The following RAB3GAP1 variants were observed in gnomAD, a reference collection of about 807,000 sequenced individuals.
RAB3GAP1 encodes rab3 GTPase-activating protein catalytic subunit.
Under a neutral mutation model 130.7 loss-of-function variants are expected in RAB3GAP1, and 86 were observed. The ratio of observed to expected loss-of-function variants is 0.66; its 90% CI spans 0.55 to 0.79. RAB3GAP1 has a LOEUF of 0.79. Ranked by LOEUF, RAB3GAP1 falls within the 30% of genes least tolerant of loss-of-function variation. The pLI is 0.00. For synonymous variants in RAB3GAP1, 367 were observed against 401.7 expected (o/e 0.91, Z 1.03); for missense variants, 1,029 against 1,169.4 (o/e 0.88, Z 1.75).
chr2:135,056,374 T>G (rs995917250), intron 2 of RAB3GAP1, among the ~76,000 whole-genome samples: 10 of 151,884 alleles, frequency 6.6e-5, no homozygotes, highest in African/African-American at 2.4e-4. Context: ...GGCTAATTTT[T>G]GTTGTATTTT....
At chr2:135,101,384 C>T (rs1206000607) in intron 5 of RAB3GAP1, among the ~76,000 whole-genome samples, 2 of 152,076 alleles carry the variant, frequency 1.3e-5, no homozygotes, top group Middle Eastern at 3.2e-3. Context: ...AATTTGAAAA[C>T]GATTTTGCAA....
intron 10 of RAB3GAP1, 43 bp from the exon 11 acceptor site, chr2:135,126,540 A>T (rs761732117): frequency 6.7e-7 from 1 of 1,502,828 alleles, no homozygotes; most frequent in Admixed American, 1.7e-5. Flanking sequence ...AATCTTGCAG[A>T]TTGTCATAAT....
downstream of RAB3GAP1, among the ~76,000 whole-genome samples, chr2:135,173,886 G>A (rs1280695413): frequency 6.6e-6 from 1 of 152,222 alleles, no homozygotes; most frequent in Non-Finnish European, 1.5e-5. Context: ...ATGCCTCGAT[G>A]CCTCTATGGC....
intron 8 of RAB3GAP1, among the ~76,000 whole-genome samples, chr2:135,121,403 TATA>T (rs1315945996): frequency 3.9e-5 from 6 of 152,178 alleles, no homozygotes; most frequent in African/African-American, 1.4e-4. Context: ...GTTATAGAAA[TATA>T]ATCAAAATCA....
At chr2:135,092,693 C>T (rs894202807) in intron 4 of RAB3GAP1, among the ~76,000 whole-genome samples, 126 of 152,302 alleles carry the variant, frequency 8.3e-4, no homozygotes, top group African/African-American at 2.8e-3. Context: ...CTGCCTCGGC[C>T]TTCCAAAGTG....
chr2:135,058,716 T>A (rs1049901741), intron 3 of RAB3GAP1: 1 of 152,420 alleles, frequency 6.6e-6, no homozygotes, highest in African/African-American at 2.4e-5. Context: ...CCCAAATGTT[T>A]ACTGAAGAAT....
intron 3 of RAB3GAP1, among the ~76,000 whole-genome samples, chr2:135,065,767 ATTTTTTTTTTT>A (rs1201634667): frequency 2.4e-5 from 3 of 123,942 alleles, no homozygotes; most frequent in Non-Finnish European, 4.9e-5. Context: ...ATCTTCACTA[ATTTTTTTTTTT>A]TTTTTTTTTT....
At chr2:135,105,688 C>T (rs558603329) in intron 5 of RAB3GAP1, among the ~76,000 whole-genome samples, 32 of 151,606 alleles carry the variant, frequency 2.1e-4, no homozygotes, top group East Asian at 2.0e-4. Flanking sequence ...TCTGCCTGGC[C>T]GCCAATCGTC....
chr2:135,053,588 G>A (rs1688936815), intron 2 of RAB3GAP1, among the ~76,000 whole-genome samples: 1 of 152,164 alleles, frequency 6.6e-6, no homozygotes, highest in African/African-American at 2.4e-5. Context: ...CGTGTCATTA[G>A]GTGGCACAGG....
At chr2:135,151,841 C>T (rs924400601) in intron 18 of RAB3GAP1, among the ~76,000 whole-genome samples, 11 of 152,234 alleles carry the variant, frequency 7.2e-5, no homozygotes, top group African/African-American at 2.4e-4. Context: ...TGTCCTGCTG[C>T]AGTGTCTTTG....
chr2:135,133,827 C>A lies in RAB3GAP1; in HGVS notation c.1327-34C>A, dbSNP rs1188941323. 1.9e-6 allele frequency: 3 copies of A among 1,592,168 alleles called. No homozygotes were observed. In the African/African-American group the frequency reaches 4.0e-5, roughly 21 times the overall value. ...TTATATGTGTAAAATATTTTGGTAACAAGTTTGCTTTGTTTCTATTTTGTT... is the reference window on the plus strand; with the variant it reads ...TTATATGTGTAAAATATTTTGGTAAAAAGTTTGCTTTGTTTCTATTTTGTT... On this transcript the variant is annotated intron_variant, in intron 14 of 23. Coordinates refer to ENST00000264158, the MANE Select transcript of RAB3GAP1 (RefSeq NM_012233.3).
chr2:135,173,096 C>G (rs1241071883), downstream of RAB3GAP1, among the ~76,000 whole-genome samples: 1 of 152,102 alleles, frequency 6.6e-6, no homozygotes, highest in Non-Finnish European at 1.5e-5. Flanking sequence ...AAGCCACTCC[C>G]AGATGACTGA....
intron 17 of RAB3GAP1, among the ~76,000 whole-genome samples, chr2:135,150,003 A>T (rs549623936): frequency 1.7e-4 from 26 of 152,274 alleles, no homozygotes; most frequent in African/African-American, 6.3e-4. Flanking sequence ...ATTACTTATA[A>T]TTAAAATTTT....
chr2:135,054,483 A>G (rs1341171259), intron 2 of RAB3GAP1, among the ~76,000 whole-genome samples: 2 of 152,268 alleles, frequency 1.3e-5, no homozygotes, highest in African/African-American at 4.8e-5. Context: ...CATATTTCAG[A>G]GAAGATTTAG....
intron 19 of RAB3GAP1, among the ~76,000 whole-genome samples, chr2:135,156,372 A>G (rs2104987366): frequency 6.6e-6 from 1 of 152,318 alleles, no homozygotes; most frequent in Non-Finnish European, 1.5e-5. Flanking sequence ...TAAACCTGGT[A>G]AAGATAGCAT....
chr2:135,090,821 A>G (rs1425020446), intron 3 of RAB3GAP1, among the ~76,000 whole-genome samples, 177 bp from the exon 4 acceptor site: 1 of 152,198 alleles, frequency 6.6e-6, no homozygotes, highest in African/African-American at 2.4e-5. Flanking sequence ...TTAAAGGAAC[A>G]CTGATAAATC....
intron 18 of RAB3GAP1, among the ~76,000 whole-genome samples, chr2:135,150,882 A>C (rs143127703): frequency 6.6e-6 from 1 of 152,280 alleles, no homozygotes; most frequent in Non-Finnish European, 1.5e-5. Context: ...TTGCACTGTG[A>C]CTAGATGAGT....
At position 135,052,433 on chromosome 2, in the gene RAB3GAP1, G is replaced by A. The variant is rs2104813354; in HGVS notation, c.22G>A (p.Glu8Lys). 1 of 1,614,076 alleles carries A rather than the reference G, an allele frequency of 6.2e-7. No individual in the cohort carries two copies. Among genetic ancestry groups the A allele is most frequent in the South Asian group, 1.1e-5 (1 of 91,068 alleles). The change falls in exon 2 of 24, where the codon GAA becomes AAA. Residue 8 changes from glutamate to lysine, a missense_variant. Glu to Lys is a moderately conservative substitution (Grantham distance 56). Around this residue, in one of 3 missense-constraint regions of RAB3GAP1, gnomAD observed 510 missense variants for 532.1 expected, o/e 0.96. Transcript: ENST00000264158. MAADSEP[E>K]SEVFEITDFT... ...TCTCTCCTTCCCCTTCCCGCAGCCC[G>A]AATCCGAGGTATTTGAGATCACGGA...
rs1173567563 is a variant in RAB3GAP1, at chr2:135,146,199, C to CTTT, written c.1924-4149_1924-4147dup. ...CCAAGTGTATAAGTGCATATTTGTTCTTTTTTTTTTTTTTTTTTTTTTTGA... is the reference window on the plus strand; with the variant it reads ...CCAAGTGTATAAGTGCATATTTGTTCTTTTTTTTTTTTTTTTTTTTTTTTTTGA... On this transcript the variant is annotated intron_variant, in intron 17 of 23. Transcript: ENST00000264158. 2.8e-3 allele frequency among the ~76,000 whole-genome samples: 267 copies of CTTT among 96,526 alleles called. 4 individuals are homozygous for CTTT. Among genetic ancestry groups the CTTT allele is most frequent in the African/African-American group, 6.7e-3 (166 of 24,726 alleles). 63.3% of individuals were successfully genotyped at this position (96,526 alleles called of 152,430 possible).
Sources: allele counts gnomAD v4.1 joint callset (sites outside exome capture counted in the v4.1 genomes callset), GRCh38; gene constraint gnomAD v4.1.1; regional missense constraint gnomAD v4.1.1; transcripts MANE v1.5; gene names NCBI Gene and HGNC (gene_info 2026-07-23, HGNC 2026-07-21).